The following ANKRD36 variants were observed in gnomAD, a reference collection of about 807,000 sequenced individuals.
ANKRD36 encodes the protein ankyrin repeat domain-containing protein 36A.
ANKRD36 carries 179 observed loss-of-function variants against 278.1 expected under a neutral mutation model. The ratio of observed to expected loss-of-function variants is 0.64; its 90% confidence interval spans 0.57 to 0.73. The LOEUF is 0.73. Among genes scored for constraint, ANKRD36 ranks in the 30% least tolerant of loss-of-function variants. ANKRD36 has a pLI of 0.00. For synonymous variants in ANKRD36, 320 were observed against 641.1 expected, an observed-to-expected ratio of 0.50 and a Z score of 7.57; for missense variants, 1,159 against 1,956.7, an observed-to-expected ratio of 0.59 and a Z score of 7.69.
In ANKRD36 at chr2:97,137,791, T is replaced by C. The variant is rs551190737; in HGVS notation, c.800-4849T>C. Among the ~76,000 whole-genome samples, 6 of 152,240 alleles carry C rather than the reference T, an allele frequency of 3.9e-5. No individual in the cohort carries two copies. In the East Asian group the frequency reaches 1.2e-3, roughly 29 times the overall value. The stretch of plus-strand genomic sequence containing the variant: ...CTGTTGTTTCCTGACCTTTTAACGA[T>C]TGCCATTCTAAATGGCGCGAGATGG... On this transcript the variant is annotated intron_variant, in intron 6 of 75. Coordinates refer to ENST00000420699, the MANE Select transcript of ANKRD36 (RefSeq NM_001354587.1).
At chr2:97,190,780 A>G (rs1558621818) in intron 34 of ANKRD36, among the ~76,000 whole-genome samples, 198 bp from the exon 35 acceptor site, 1 of 151,650 alleles carries the variant, frequency 6.6e-6, no homozygotes, top group East Asian at 2.0e-4. Flanking sequence ...AACTGTAAGG[A>G]TATATTTCAT....
rs369182170 is a variant in ANKRD36, at chr2:97,208,178, A to G, written c.3265+172A>G. Among the ~76,000 whole-genome samples, 18 of 146,458 alleles carry G rather than the reference A, an allele frequency of 1.2e-4. 3 individuals carry two copies. The highest frequency in any genetic ancestry group is 4.0e-4 in the African/African-American group (15 of 37,606). On this transcript the variant is annotated intron_variant, in intron 54 of 75. Transcript: ENST00000420699. ...GATGCTGATGCTGCTGGTCTGGAAC[A>G]TGATCTTCGCAGTAAGATTATACAC...
intron 56 of ANKRD36, 62 bp downstream of exon 56, chr2:97,209,934 T>G: frequency 6.6e-7 from 1 of 1,526,640 alleles, no homozygotes; most frequent in Non-Finnish European, 8.8e-7. Flanking sequence ...TTCTCTTCCC[T>G]GAATAAATCA....
chr2:97,158,656 G>A lies in ANKRD36; in HGVS notation c.1389+1G>A, dbSNP rs879207925. 3.3e-6 allele frequency: 5 copies of A among 1,536,232 alleles called. No individual in the cohort carries two copies. In the South Asian group the frequency reaches 3.6e-5, roughly 11 times the overall value. ...GTTTGAAGACCAAAATGTTGATAAGGTAAATGAAGATGTGGTTAAAAGCCA... is the reference window on the plus strand; with the variant it reads ...GTTTGAAGACCAAAATGTTGATAAGATAAATGAAGATGTGGTTAAAAGCCA... On this transcript the variant is annotated splice_donor_variant, in intron 17 of 75. Coordinates refer to ENST00000420699, the MANE Select transcript of ANKRD36 (RefSeq NM_001354587.1). LOFTEE classifies it high-confidence loss of function.
intron 38 of ANKRD36, 128 bp downstream of exon 38, chr2:97,193,181 T>G: frequency 1.0e-6 from 1 of 988,026 alleles, no homozygotes; most frequent in Non-Finnish European, 1.4e-6. Flanking sequence ...GATTCTTCAT[T>G]TCAAATAAGT....
chr2:97,204,890 G>A lies in ANKRD36; in HGVS notation c.3061+627G>A, dbSNP rs180694064. Among the ~76,000 whole-genome samples, 105 of 151,554 alleles carry A rather than the reference G, an allele frequency of 6.9e-4. 2 individuals are homozygous for A. The South Asian group carries it at 0.01, about 15-fold the overall frequency. Reference sequence around the variant, plus strand: ...GAAGCAGGAAACAGTGGTTGAATTGGCATAAAAACACAATAACTCATTACT... The same window carrying A: ...GAAGCAGGAAACAGTGGTTGAATTGACATAAAAACACAATAACTCATTACT... On this transcript the variant is annotated intron_variant, in intron 50 of 75. Coordinates refer to ENST00000420699, the MANE Select transcript of ANKRD36 (RefSeq NM_001354587.1).
At chr2:97,203,107 G>A (rs1348957218) in intron 48 of ANKRD36, among the ~76,000 whole-genome samples, 5 of 151,802 alleles carry the variant, frequency 3.3e-5, no homozygotes, top group Non-Finnish European at 7.4e-5. Flanking sequence ...ATATAATTGA[G>A]ACAAACTTGA....
intron 62 of ANKRD36, 33 bp downstream of exon 62, chr2:97,215,530 G>A (rs6756986): frequency 0.12 from 186,549 of 1,577,332 alleles, 12,769 homozygotes; most frequent in African/African-American, 0.49. Flanking sequence ...TGTAATGTTC[G>A]ATCAAATAGA....
intron 5 of ANKRD36, among the ~76,000 whole-genome samples, chr2:97,125,229 A>G (rs1054130350): frequency 6.6e-6 from 1 of 151,566 alleles, no homozygotes; most frequent in African/African-American, 2.4e-5. Flanking sequence ...GACATCCCTC[A>G]ATCTTCATGT....
Position 97,158,363 on chromosome 2 carries a change from G to T in ANKRD36, c.1321+196G>T, listed in dbSNP as rs374408193. On this transcript the variant is annotated intron_variant, in intron 16 of 75. Coordinates refer to ENST00000420699, the MANE Select transcript of ANKRD36 (RefSeq NM_001354587.1). ...CTGCCTCAGCCTCCTGAGTAGCTGG[G>T]ATTACAGGTGTGCACCACCACACCT... Among the ~76,000 whole-genome samples the T allele has an allele frequency of 0.012, 1,288 of 111,274 alleles. No homozygotes were observed. The highest frequency in any genetic ancestry group is 0.023 in the African/African-American group (613 of 26,762). The allele number at this position is 111,274 out of a possible 152,430, so 73.0% of individuals were successfully genotyped here.
intron 42 of ANKRD36, 139 bp from the exon 43 acceptor site, chr2:97,198,324 C>G (rs2060376637): frequency 5.3e-6 from 8 of 1,509,238 alleles, no homozygotes; most frequent in South Asian, 1.2e-5. Context: ...CGTTCTAGTC[C>G]CCAGACACAA....
chr2:97,226,000 C>G (rs1301104744), intron 67 of ANKRD36, among the ~76,000 whole-genome samples: 3 of 151,734 alleles, frequency 2.0e-5, no homozygotes, highest in African/African-American at 4.8e-5. Context: ...GTCTATGTGC[C>G]ATATTTTCTT....
chr2:97,196,315 C>A (rs1386314374), intron 40 of ANKRD36, among the ~76,000 whole-genome samples: 4 of 88,274 alleles, frequency 4.5e-5, no homozygotes, highest in Non-Finnish European at 1.6e-4. Flanking sequence ...TCTCATCACT[C>A]GGCCTAAGAC....
At chr2:97,241,046 C>T (rs2074298785) in intron 68 of ANKRD36, among the ~76,000 whole-genome samples, 2 of 34,270 alleles carry the variant, frequency 5.8e-5, no homozygotes, top group Non-Finnish European at 1.0e-4. Flanking sequence ...TTATAACTGT[C>T]ACCTTTTTAT....
intron 68 of ANKRD36, among the ~76,000 whole-genome samples, chr2:97,235,188 T>C (rs2073345032): frequency 6.6e-6 from 1 of 151,632 alleles, no homozygotes; most frequent in South Asian, 2.1e-4. Flanking sequence ...CTTTTGTCTA[T>C]GGAGTGAGGT....
Position 97,113,973 on chromosome 2 carries a change from C to A in ANKRD36, c.197+37C>A, listed in dbSNP as rs745833571. On this transcript the variant is annotated intron_variant, in intron 1 of 75. Coordinates refer to ENST00000420699, the MANE Select transcript of ANKRD36 (RefSeq NM_001354587.1). ...CGGGAGCCGGGGCTGCGGGAGGAGG[C>A]CTGTGGATGTGGAGAAGTACCCCTT... is the stretch of plus-strand genomic sequence containing the variant. 6 of 1,590,380 alleles carry A rather than the reference C, an allele frequency of 3.8e-6. No individual in the cohort carries two copies. In the East Asian group the frequency reaches 9.3e-5, roughly 25 times the overall value.
intron 46 of ANKRD36, 42 bp downstream of exon 46, chr2:97,200,567 TAAG>T (rs1575757876): frequency 1.3e-6 from 2 of 1,538,120 alleles, no homozygotes; most frequent in Non-Finnish European, 1.7e-6. Context: ...TCAGTCCAGA[TAAG>T]AAGTTCTCTT....
intron 6 of ANKRD36, among the ~76,000 whole-genome samples, chr2:97,129,663 G>T (rs546971613): frequency 9.5e-4 from 145 of 152,166 alleles, no homozygotes; most frequent in Middle Eastern, 6.8e-3. Context: ...GTGTAAGGAA[G>T]GGATCCAGTT....
At chr2:97,171,043 A>C (rs1226657843) in intron 22 of ANKRD36, among the ~76,000 whole-genome samples, 1 of 151,122 alleles carries the variant, frequency 6.6e-6, no homozygotes, top group Non-Finnish European at 1.5e-5. Flanking sequence ...TTAAAAAGTC[A>C]GGAAACAACA....
Sources: allele counts gnomAD v4.1 joint callset (sites outside exome capture counted in the v4.1 genomes callset), GRCh38; gene constraint gnomAD v4.1.1; transcripts MANE v1.5; gene names NCBI Gene and HGNC (gene_info 2026-07-23, HGNC 2026-07-21).